BBX: variants seen among roughly 807,000 people sequenced by gnomAD.
The protein encoded by BBX is BBX high mobility group box domain containing, also known as HMG box transcription factor BBX.
Under a neutral mutation model 100.2 loss-of-function variants are expected in BBX, and 30 were observed. That is an observed-to-expected ratio of 0.30 (90% confidence interval 0.22 to 0.41). The LOEUF is 0.41. Ranked by LOEUF, BBX falls within the 10% of genes least tolerant of loss-of-function variation. The probability of loss-of-function intolerance (pLI) is 1.00; values close to 1 mark genes in which losing one functional copy is unlikely to be tolerated. For missense variants in BBX, 1,023 were observed against 1,129.8 expected, an observed-to-expected ratio of 0.91 and a Z score of 1.35; for synonymous variants, 376 against 388.1, an observed-to-expected ratio of 0.97 and a Z score of 0.37.
chr3:107,605,247 A>G (rs575972234), intron 2 of BBX, among the ~76,000 whole-genome samples: 1 of 152,306 alleles, frequency 6.6e-6, no homozygotes, highest in African/African-American at 2.4e-5. Context: ...ACCCCAATCT[A>G]ACTCTGCTGG....
intron 2 of BBX, among the ~76,000 whole-genome samples, chr3:107,534,431 T>G (rs1174575850): frequency 6.6e-6 from 1 of 152,220 alleles, no homozygotes; most frequent in Non-Finnish European, 1.5e-5. Flanking sequence ...ATTATCATTT[T>G]CTTTCTTCCC....
chr3:107,612,058 G>T (rs9856673), intron 2 of BBX, among the ~76,000 whole-genome samples: 16,542 of 151,802 alleles, frequency 0.11, 1,227 homozygotes, highest in Middle Eastern at 0.19. Flanking sequence ...CCAGATTTTT[G>T]TTTGATTCTT....
chr3:107,735,551 C>A (rs2063579067), intron 7 of BBX, among the ~76,000 whole-genome samples: 2 of 151,876 alleles, frequency 1.3e-5, no homozygotes, highest in Admixed American at 6.6e-5. Flanking sequence ...TGACTTGAGA[C>A]CTAACCATAT....
chr3:107,555,070 AAACAACAACAACAACAAC>A (rs77709627), intron 2 of BBX, among the ~76,000 whole-genome samples: 2 of 150,954 alleles, frequency 1.3e-5, no homozygotes, highest in Non-Finnish European at 3.0e-5. Context: ...CTCCGTCTCA[AAACAACAACAACAACAAC>A]AACAACAACA....
chr3:107,698,935 C>G (rs2060854925), intron 3 of BBX, among the ~76,000 whole-genome samples: 1 of 151,656 alleles, frequency 6.6e-6, no homozygotes, highest in Non-Finnish European at 1.5e-5. Flanking sequence ...CAGGGCATGG[C>G]AAGGACGGAT....
At chr3:107,641,367 C>T (rs1374621394) in intron 2 of BBX, among the ~76,000 whole-genome samples, 1 of 152,094 alleles carries the variant, frequency 6.6e-6, no homozygotes, top group Non-Finnish European at 1.5e-5. Context: ...TTATAGGCGT[C>T]AGCCACCAAG....
intron 3 of BBX, among the ~76,000 whole-genome samples, chr3:107,653,827 C>G (rs1358200887): frequency 6.6e-6 from 1 of 152,132 alleles, no homozygotes; most frequent in Non-Finnish European, 1.5e-5. Context: ...TAGCAACCTA[C>G]TGTTTATGTG....
At chr3:107,716,488 A>G (rs2062117003) in intron 4 of BBX, 119 bp from the exon 5 acceptor site, 2 of 1,209,034 alleles carry the variant, frequency 1.7e-6, no homozygotes, top group East Asian at 2.4e-5. Context: ...ATTTTTTTCA[A>G]TGTGTAAGTT....
At chr3:107,719,640 T>G (rs2062380074) in intron 5 of BBX, among the ~76,000 whole-genome samples, 1 of 152,058 alleles carries the variant, frequency 6.6e-6, no homozygotes, top group Admixed American at 6.6e-5. Flanking sequence ...CAATAATTCA[T>G]TAGTAAATTT....
intron 3 of BBX, among the ~76,000 whole-genome samples, chr3:107,682,327 C>G (rs908716306): frequency 6.6e-6 from 1 of 152,076 alleles, no homozygotes; most frequent in Non-Finnish European, 1.5e-5. Flanking sequence ...TAAGACAGTT[C>G]ACTCGTTCAT....
intron 3 of BBX, among the ~76,000 whole-genome samples, chr3:107,707,622 G>T (rs1311681749): frequency 6.6e-6 from 1 of 152,138 alleles, no homozygotes; most frequent in Non-Finnish European, 1.5e-5. Flanking sequence ...GTATTTCTGG[G>T]TGAGAAAGAT....
chr3:107,765,607 C>T (rs142901291), intron 10 of BBX, among the ~76,000 whole-genome samples: 51 of 152,316 alleles, frequency 3.3e-4, no homozygotes, highest in African/African-American at 1.2e-3. Flanking sequence ...CTAACCTCGC[C>T]TGGCCCATCC....
At chr3:107,622,005 A>G (rs1465330583) in intron 2 of BBX, among the ~76,000 whole-genome samples, 1 of 152,188 alleles carries the variant, frequency 6.6e-6, no homozygotes, top group Non-Finnish European at 1.5e-5. Flanking sequence ...AGTTTAAAAC[A>G]TGTATAGATT....
chr3:107,788,196 A>G (rs951028186), intron 13 of BBX, among the ~76,000 whole-genome samples: 1 of 152,222 alleles, frequency 6.6e-6, no homozygotes, highest in Admixed American at 6.5e-5. Context: ...AGACAAGGAC[A>G]AGGGCCAAGC....
chr3:107,799,218 G>T (rs554698764), intron 16 of BBX, among the ~76,000 whole-genome samples: 1 of 152,114 alleles, frequency 6.6e-6, no homozygotes, highest in Middle Eastern at 3.4e-3. Flanking sequence ...ACGAATTTGT[G>T]TTGGGCTGCA....
chr3:107,794,833 CA>C (rs2069435359), intron 15 of BBX, among the ~76,000 whole-genome samples: 1 of 152,158 alleles, frequency 6.6e-6, no homozygotes, highest in Admixed American at 6.5e-5. Context: ...GGGTACAATA[CA>C]AGAGCAATGC....
chr3:107,769,177 GATAGATA>G (rs2107761435), intron 10 of BBX, among the ~76,000 whole-genome samples: 1 of 57,698 alleles, frequency 1.7e-5, no homozygotes, highest in Admixed American at 1.8e-4. Context: ...TTCATAGATA[GATAGATA>G]GATAGATAGA....
chr3:107,578,137 T>C (rs2051945457), intron 2 of BBX, among the ~76,000 whole-genome samples: 1 of 152,244 alleles, frequency 6.6e-6, no homozygotes, highest in Non-Finnish European at 1.5e-5. Flanking sequence ...ATGTTCTCTC[T>C]TAAACAGCTT....
rs887037558 is a variant in BBX at position 107,808,988 on chromosome 3, G to A, written c.*3531G>A. 6.6e-6 allele frequency: 1 copy of A among 152,174 alleles called. No individual in the cohort carries two copies. The highest frequency in any genetic ancestry group is 1.5e-5 in the Non-Finnish European group (1 of 68,018). The allele number at this position is 152,174 out of a possible 1,614,324, so 9.4% of individuals were successfully genotyped here. ...GATGGAACACTATGAACAAAAAGGA[G>A]CATCTGAACTGGTCTGGTTATTTAG... On this transcript the variant is annotated 3_prime_UTR_variant, in exon 18 of 18. Coordinates refer to ENST00000325805, the MANE Select transcript of BBX (RefSeq NM_001142568.3).
Sources: gnomAD v4.1 joint callset for allele counts (sites outside exome capture counted in the v4.1 genomes callset) on GRCh38, gnomAD v4.1.1 for gene constraint, MANE v1.5 for transcripts, NCBI Gene and HGNC (gene_info 2026-07-23, HGNC 2026-07-21) for gene names.